Variants in CD81 observed in about 807,000 individuals in gnomAD.
The protein encoded by CD81 is CD81 molecule, also known as CD81 antigen.
Under a neutral mutation model 30.1 loss-of-function variants are expected in CD81, and 10 were observed. The observed-to-expected ratio is 0.33, with a 90% confidence interval of 0.21 to 0.56. CD81 has a LOEUF of 0.56. CD81 is among the 20% of genes least tolerant of loss of function. The pLI is 0.89. For missense variants in CD81, 263 were observed against 308.7 expected (o/e 0.85, Z 1.11); for synonymous variants, 147 against 126.4 (o/e 1.16, Z -1.10).
At chr11:2,386,532 T>TC (rs1849800808) in intron 1 of CD81, 1 of 716,422 alleles carries the variant, frequency 1.4e-6, no homozygotes, top group African/African-American at 1.7e-5. Context: ...GCAGTGACCA[T>TC]CACCACCATT....
intron 1 of CD81, chr11:2,379,007 G>C (rs1170276332): frequency 2.6e-6 from 1 of 389,256 alleles, no homozygotes; most frequent in African/African-American, 2.1e-5. Flanking sequence ...TTGGGACGCT[G>C]GTGGGAGTCA....
chr11:2,385,587 GTC>G (rs1849780007), intron 1 of CD81: 4 of 259,384 alleles, frequency 1.5e-5, no homozygotes, highest in South Asian at 7.3e-5. Flanking sequence ...CGTGCCCGTC[GTC>G]TGTGTGGCAT....
In CD81 at chr11:2,393,973, A is replaced by G. The variant is rs781049102; in HGVS notation, c.182-122A>G. 5.2e-6 allele frequency: 4 copies of G among 769,394 alleles called. No individual in the cohort carries two copies. The Admixed American group carries it at 7.4e-5, about 14-fold the overall frequency. The allele number at this position is 769,394 out of a possible 1,614,324, so 47.7% of individuals were successfully genotyped here. A position where few individuals can be genotyped will look rare whatever the true frequency, so the allele number is the denominator to read the frequency against. ...AGGTCCCTTGCTGCTCATCCCTGGCAGTCAGCAACCCTACATCTTCCCAGC... is the reference window on the plus strand; with the variant it reads ...AGGTCCCTTGCTGCTCATCCCTGGCGGTCAGCAACCCTACATCTTCCCAGC... On this transcript the variant is annotated intron_variant, in intron 2 of 7. Coordinates refer to ENST00000263645, the MANE Select transcript of CD81 (RefSeq NM_004356.4).
intron 5 of CD81, 121 bp from the exon 6 acceptor site, chr11:2,395,748 C>G: frequency 1.3e-6 from 1 of 798,868 alleles, no homozygotes; most frequent in Non-Finnish European, 2.2e-6. Flanking sequence ...GAAGGCTGGC[C>G]CCTGGATGCA....
Position 2,390,500 on chromosome 11 carries a change from A to C in CD81, c.155A>C (p.Lys52Thr). The C allele has an allele frequency of 6.2e-7, 1 of 1,612,886 alleles. No homozygotes were observed. Among genetic ancestry groups the C allele is most frequent in the Non-Finnish European group, 8.5e-7 (1 of 1,179,876 alleles). Residue 52 changes from lysine (K) to threonine (T), a missense_variant, in exon 2 of 8, where the codon AAG (lysine) becomes ACG (threonine). Lys to Thr is a moderately conservative substitution (Grantham distance 78, BLOSUM62 -1). This residue lies in a region of CD81 where 84 missense variants were observed against 98.2 expected (regional missense o/e 0.86). Transcript: ENST00000263645. The part of the protein sequence containing the change: ...TNLLYLELGD[K>T]PAPNTFYVGI... ...CTCCTGTATCTGGAGCTGGGAGACAAGCCCGCGCCCAACACCTTCTATGTA... is the reference window on the plus strand; with the variant it reads ...CTCCTGTATCTGGAGCTGGGAGACACGCCCGCGCCCAACACCTTCTATGTA...
At position 2,397,043 on chromosome 11, in the gene CD81, C is replaced by T. The variant is rs892792063; in HGVS notation, c.*177C>T. ...GAACTTTCCTGTTACCTTTTCAGGG[C>T]TGACGTCACATGTAGGTGGCGTGTA... On this transcript the variant is annotated 3_prime_UTR_variant, in exon 8 of 8. Transcript: ENST00000263645. 4.4e-6 allele frequency: 3 copies of T among 674,690 alleles called. No homozygotes were observed. In the African/African-American group the frequency reaches 5.3e-5, roughly 12 times the overall value. The allele number at this position is 674,690 out of a possible 1,614,324, so 41.8% of individuals were successfully genotyped here.
rs1378512619 is a variant in CD81, at chr11:2,386,807, A to G, written c.67-3605A>G. Reference sequence around the variant, plus strand: ...CCTCCTGGCCCAGCTGTTCTGCCCTATTAAAAGTCACATGGGCCCTCGGGT... The same window carrying G: ...CCTCCTGGCCCAGCTGTTCTGCCCTGTTAAAAGTCACATGGGCCCTCGGGT... On this transcript the variant is annotated intron_variant, in intron 1 of 7. Transcript: ENST00000263645. 4.6e-5 allele frequency among the ~76,000 whole-genome samples: 7 copies of G among 152,062 alleles called. No homozygotes were observed. The East Asian group carries it at 1.2e-3, about 25-fold the overall frequency.
Position 2,396,862 on chromosome 11 carries a change from A to C in CD81, c.707A>C (p.Tyr236Ser). The C allele has an allele frequency of 1.2e-6, 2 of 1,612,682 alleles. No individual in the cohort carries two copies. Among genetic ancestry groups the C allele is most frequent in the Non-Finnish European group, 1.7e-6 (2 of 1,179,988 alleles). The part of the protein sequence containing the change: ...LCCGIRNSSV[Y>S] ...TGTGGCATCCGGAACAGCTCCGTGT[A>C]CTGAGGCCCCGCAGCTCTGGCCACA... Residue 236 changes from tyrosine (Y) to serine (S), a missense_variant, in exon 8 of 8, where the codon TAC (tyrosine) becomes TCC (serine). Tyr to Ser is a moderately radical substitution (Grantham distance 144). Transcript: ENST00000263645.
chr11:2,391,144 G>A (rs1849892227), intron 2 of CD81: 1 of 197,194 alleles, frequency 5.1e-6, no homozygotes, highest in Non-Finnish European at 1.1e-5. Flanking sequence ...ATCTCACTGT[G>A]CAGAGAGCAG....
At chr11:2,384,110 A>G (rs1296623042) in intron 1 of CD81, among the ~76,000 whole-genome samples, 1 of 152,124 alleles carries the variant, frequency 6.6e-6, no homozygotes, top group East Asian at 1.9e-4. Context: ...TTTAAAGTCG[A>G]TTCTGTTATT....
Position 2,394,145 on chromosome 11 carries a change from C to T in CD81, c.232C>T (p.Leu78=). ...VGAVMMFVGF[L]GCYGAIQESQ... ...CGCTGTCATGATGTTCGTTGGCTTCCTGGGCTGCTACGGGGCCATCCAGGA... is the reference window on the plus strand; with the variant it reads ...CGCTGTCATGATGTTCGTTGGCTTCTTGGGCTGCTACGGGGCCATCCAGGA... Residue 78 remains leucine (L), a synonymous_variant, in exon 3 of 8, where the codon CTG becomes TTG. Transcript: ENST00000263645. 1.2e-6 allele frequency: 2 copies of T among 1,613,346 alleles called. No homozygotes were observed. The highest frequency in any genetic ancestry group is 2.2e-5 in the East Asian group (1 of 44,848).
chr11:2,384,045 T>G (rs1039825853), intron 1 of CD81, among the ~76,000 whole-genome samples: 2 of 152,174 alleles, frequency 1.3e-5, no homozygotes, highest in African/African-American at 4.8e-5. Flanking sequence ...TTCAGCTGCT[T>G]CTTGGAAACA....
In CD81 at chr11:2,394,958, C is replaced by T. The variant is rs1849969703; in HGVS notation, c.280-14C>T. 1 of 1,612,014 alleles carries T rather than the reference C, an allele frequency of 6.2e-7. No homozygotes were observed. On this transcript the variant is annotated splice_polypyrimidine_tract_variant and intron_variant, in intron 3 of 7. Transcript: ENST00000263645. ...CTGCCCTCTTTCCTCCCTCTGGCCA[C>T]TGCCCGGCTCCAGTTCTTCACCTGC...
intron 3 of CD81, among the ~76,000 whole-genome samples, 179 bp downstream of exon 3, chr11:2,394,371 T>G (rs1203507855): frequency 6.6e-6 from 1 of 152,198 alleles, no homozygotes; most frequent in Non-Finnish European, 1.5e-5. Flanking sequence ...TTGGTCTCCA[T>G]CGTGGCCAGT....
At chr11:2,385,794 C>T (rs1589848393) in intron 1 of CD81, 2 of 613,006 alleles carry the variant, frequency 3.3e-6, no homozygotes, top group East Asian at 6.5e-5. Context: ...ACCCCAGGTT[C>T]ACCCGTTCAC....
intron 4 of CD81, 72 bp downstream of exon 4, chr11:2,395,118 G>A (rs1261765307): frequency 1.7e-5 from 22 of 1,323,862 alleles, no homozygotes; most frequent in Middle Eastern, 2.6e-4. Context: ...GCGGGTGGGG[G>A]TTGGGCTGAC....
chr11:2,385,630 C>CTGTTGT lies in CD81; in HGVS notation c.67-4782_67-4781insTGTTGT, dbSNP rs1849782563. On this transcript the variant is annotated intron_variant, in intron 1 of 7. Transcript: ENST00000263645. ...TCTGTGCACCCGTGCTGTGGCGTGC[C>CTGTTGT]CGTCGTCTGTGCACCCGTGCTGTGG... 3.0e-3 allele frequency: 142 copies of CTGTTGT among 47,944 alleles called. 20 individuals carry two copies. Among genetic ancestry groups the CTGTTGT allele is most frequent in the African/African-American group, 8.3e-3 (120 of 14,514 alleles). The allele number at this position is 47,944 out of a possible 1,614,324, so 3.0% of individuals were successfully genotyped here.
At chr11:2,381,825 A>C (rs2133442892) in intron 1 of CD81, among the ~76,000 whole-genome samples, 1 of 152,354 alleles carries the variant, frequency 6.6e-6, no homozygotes, top group East Asian at 1.9e-4. Context: ...AAGAAGAACC[A>C]GGCTCTCCCA....
Position 2,394,790 on chromosome 11 carries a change from G to GCGCTGAA in CD81, c.280-176_280-175insACGCTGA, listed in dbSNP as rs1849966796. 8.9e-6 allele frequency: 6 copies of GCGCTGAA among 674,660 alleles called. No individual in the cohort carries two copies. In the Admixed American group the frequency reaches 1.0e-4, roughly 12 times the overall value. 41.8% of individuals were successfully genotyped at this position (674,660 alleles called of 1,614,324 possible). A position where few individuals can be genotyped will look rare whatever the true frequency, so the allele number is the denominator to read the frequency against. On this transcript the variant is annotated intron_variant, in intron 3 of 7. Coordinates refer to ENST00000263645, the MANE Select transcript of CD81 (RefSeq NM_004356.4). ...TCCTGGGCTTTGACGGCTCCTCCCT[G>GCGCTGAA]CGCTGAGTTTTAGCCTCTGTGCCCC...
Sources: gnomAD v4.1 joint callset for allele counts (sites outside exome capture counted in the v4.1 genomes callset) on GRCh38, gnomAD v4.1.1 for gene constraint, gnomAD v4.1.1 regional missense constraint, MANE v1.5 for transcripts, NCBI Gene and HGNC (gene_info 2026-07-23, HGNC 2026-07-21) for gene names.